Variants in GPC6 observed in about 807,000 individuals in gnomAD.
GPC6 encodes glypican-6.
GPC6 carries 14 observed loss-of-function variants against 55.2 expected under a neutral mutation model. That is an observed-to-expected ratio of 0.25 (90% CI 0.17 to 0.40). The LOEUF (loss-of-function observed/expected upper bound fraction) is 0.40. GPC6 is among the 10% of genes least tolerant of loss of function. GPC6 has a pLI of 1.00. For missense variants in GPC6, 641 were observed against 708.5 expected (o/e 0.90, Z 1.08); for synonymous variants, 278 against 259.6 (o/e 1.07, Z -0.68).
At chr13:93,493,885 A>G (rs1467429367) in intron 1 of GPC6, among the ~76,000 whole-genome samples, 1 of 113,470 alleles carries the variant, frequency 8.8e-6, no homozygotes, top group Non-Finnish European at 1.9e-5. Context: ...GTGGTCTGAG[A>G]GATAGTTTGT....
chr13:93,769,365 T>C (rs543893760), intron 2 of GPC6, among the ~76,000 whole-genome samples: 1 of 151,340 alleles, frequency 6.6e-6, no homozygotes, highest in South Asian at 2.1e-4. Flanking sequence ...TATTTAGTCT[T>C]ATTAAATAGC....
chr13:93,822,913 G>T (rs1405457212), intron 2 of GPC6, among the ~76,000 whole-genome samples: 2 of 150,664 alleles, frequency 1.3e-5, no homozygotes, highest in African/African-American at 4.9e-5. Context: ...ACCCAGGCTG[G>T]AGTGCAGTGG....
At position 93,933,647 on chromosome 13, in the gene GPC6, G is replaced by A. The variant is rs115349109; in HGVS notation, c.712-94082G>A. 8.8e-3 allele frequency among the ~76,000 whole-genome samples: 1,343 copies of A among 152,176 alleles called. 23 individuals are homozygous for A. The highest frequency in any genetic ancestry group is 0.031 in the African/African-American group (1,299 of 41,506). On this transcript the variant is annotated intron_variant, in intron 3 of 8. Transcript: ENST00000377047. ...AGTATATAAAATCCTTAGAAGAATG[G>A]TTGGCATATATTCAATAATGTTAGT...
At chr13:93,409,478 T>C (rs1566341727) in intron 1 of GPC6, among the ~76,000 whole-genome samples, 1 of 152,154 alleles carries the variant, frequency 6.6e-6, no homozygotes, top group Non-Finnish European at 1.5e-5. Flanking sequence ...TGGACTTGAT[T>C]CCCATAACTG....
At chr13:93,537,910 G>C (rs1356227960) in intron 1 of GPC6, among the ~76,000 whole-genome samples, 1 of 151,872 alleles carries the variant, frequency 6.6e-6, no homozygotes, top group African/African-American at 2.4e-5. Context: ...TTAAAATAAA[G>C]AACTGAAAAT....
intron 2 of GPC6, among the ~76,000 whole-genome samples, chr13:93,736,385 A>G (rs1428239300): frequency 6.6e-6 from 1 of 152,236 alleles, no homozygotes; most frequent in Non-Finnish European, 1.5e-5. Context: ...ATTGCCATAT[A>G]CATACATCTA....
intron 2 of GPC6, among the ~76,000 whole-genome samples, chr13:93,810,386 G>A (rs1395784260): frequency 3.9e-5 from 6 of 152,152 alleles, no homozygotes; most frequent in Non-Finnish European, 8.8e-5. Context: ...AGATAATAGA[G>A]GTTCAAGCAT....
intron 6 of GPC6, among the ~76,000 whole-genome samples, chr13:94,373,106 A>C (rs576061135): frequency 1.3e-5 from 2 of 152,178 alleles, no homozygotes; most frequent in African/African-American, 4.8e-5. Flanking sequence ...AAACCACAAA[A>C]ATGGAGAAAA....
chr13:93,565,171 C>T (rs1876032789), intron 2 of GPC6, among the ~76,000 whole-genome samples: 1 of 152,138 alleles, frequency 6.6e-6, no homozygotes, highest in Admixed American at 6.5e-5. Context: ...CTTTAACTTC[C>T]ATGGACCTGT....
chr13:94,319,353 C>A (rs1390655405), intron 6 of GPC6, among the ~76,000 whole-genome samples: 1 of 152,158 alleles, frequency 6.6e-6, no homozygotes, highest in East Asian at 1.9e-4. Context: ...CCTTAGAACA[C>A]CTTAATTCTG....
At chr13:93,722,241 C>A (rs1179209773) in intron 2 of GPC6, among the ~76,000 whole-genome samples, 4 of 151,518 alleles carry the variant, frequency 2.6e-5, no homozygotes, top group Non-Finnish European at 5.9e-5. Context: ...GTAGAGGTTC[C>A]TTTTATATAT....
intron 4 of GPC6, among the ~76,000 whole-genome samples, chr13:94,210,097 C>A (rs1486409970): frequency 6.6e-6 from 1 of 151,906 alleles, no homozygotes; most frequent in Non-Finnish European, 1.5e-5. Flanking sequence ...ATCCTCCCTC[C>A]TTAGTCTCAC....
chr13:93,712,514 T>A (rs1404812330), intron 2 of GPC6, among the ~76,000 whole-genome samples: 1 of 151,766 alleles, frequency 6.6e-6, no homozygotes, highest in Non-Finnish European at 1.5e-5. Flanking sequence ...GATCAAATGA[T>A]GGTTTTGCCT....
intron 1 of GPC6, among the ~76,000 whole-genome samples, chr13:93,419,779 G>C (rs377331725): frequency 6.6e-6 from 1 of 152,002 alleles, no homozygotes; most frequent in South Asian, 2.1e-4. Context: ...TTATGAACTT[G>C]TTAAGAATTG....
At chr13:94,282,257 C>T (rs1487030998) in intron 4 of GPC6, among the ~76,000 whole-genome samples, 1 of 152,066 alleles carries the variant, frequency 6.6e-6, no homozygotes, top group Non-Finnish European at 1.5e-5. Context: ...TGGGGAAATG[C>T]AGAATCATTT....
chr13:93,882,715 G>T (rs550801150), intron 3 of GPC6, among the ~76,000 whole-genome samples: 10 of 152,182 alleles, frequency 6.6e-5, no homozygotes, highest in African/African-American at 2.2e-4. Flanking sequence ...TATATAAAGA[G>T]ATTTAGATTG....
chr13:94,394,347 A>G (rs1048628618), intron 7 of GPC6, among the ~76,000 whole-genome samples: 4 of 152,170 alleles, frequency 2.6e-5, no homozygotes, highest in African/African-American at 9.7e-5. Flanking sequence ...GCTTCTCCCA[A>G]GGCTGGATCC....
rs1336243059 is a variant in GPC6, at chr13:94,020,099, G to A, written c.712-7630G>A. Among the ~76,000 whole-genome samples, 4 of 151,982 alleles carry A rather than the reference G, an allele frequency of 2.6e-5. No individual in the cohort carries two copies. In the East Asian group the frequency reaches 7.7e-4, roughly 29 times the overall value. On this transcript the variant is annotated intron_variant, in intron 3 of 8. Transcript: ENST00000377047. The stretch of plus-strand genomic sequence containing the variant: ...TTTCCTTTTTTTCTAGTTCCTTAAG[G>A]TATAAAGTGAGGTTATTGATTTGAA...
intron 3 of GPC6, among the ~76,000 whole-genome samples, chr13:93,930,577 C>T (rs1878114713): frequency 6.6e-6 from 1 of 151,940 alleles, no homozygotes; most frequent in East Asian, 1.9e-4. Flanking sequence ...AGCCTGAAAC[C>T]AAGGGTTTTA....
Sources: allele counts gnomAD v4.1 joint callset (sites outside exome capture counted in the v4.1 genomes callset), GRCh38; gene constraint gnomAD v4.1.1; transcripts MANE v1.5; gene names NCBI Gene and HGNC (gene_info 2026-07-23, HGNC 2026-07-21).